Variants in LPP observed in about 807,000 individuals in gnomAD.
LPP encodes the protein LIM domain containing preferred translocation partner in lipoma.
Under a neutral mutation model 60.4 loss-of-function variants are expected in LPP, and 38 were observed. The observed-to-expected ratio is 0.63, with a 90% CI of 0.49 to 0.83. LPP has a LOEUF of 0.83. Among genes scored for constraint, LPP ranks in the 40% least tolerant of loss-of-function variants. The pLI is 0.00. For synonymous variants in LPP, 328 were observed against 290.8 expected (o/e 1.13, Z -1.30); for missense variants, 902 against 783.6 (o/e 1.15, Z -1.80).
At chr3:188,843,669 C>T (rs1199733838) in intron 9 of LPP, among the ~76,000 whole-genome samples, 1 of 144,724 alleles carries the variant, frequency 6.9e-6, no homozygotes, top group Admixed American at 6.7e-5. Context: ...CGCCTGTAGT[C>T]CCAGCTACTC....
At position 188,848,231 on chromosome 3, in the gene LPP, A is replaced by G. The variant is rs542807974; in HGVS notation, c.1411-17969A>G. Among the ~76,000 whole-genome samples the G allele has an allele frequency of 5.3e-5, 8 of 152,312 alleles. No individual in the cohort carries two copies. The South Asian group carries it at 6.2e-4, about 12-fold the overall frequency. On this transcript the variant is annotated intron_variant, in intron 9 of 11. Coordinates refer to ENST00000617246, the MANE Select transcript of LPP (RefSeq NM_001375462.1). ...GTGATACAGGCAGAATAAGCTCTGA[A>G]TTTGAGACTTGTGAAAACCATAAGA...
intron 5 of LPP, among the ~76,000 whole-genome samples, chr3:188,501,766 T>G (rs1056974599): frequency 1.5e-5 from 2 of 130,170 alleles, no homozygotes; most frequent in Non-Finnish European, 3.3e-5. Context: ...AAAAACAAAA[T>G]ATTAGCCGGG....
intron 1 of LPP, among the ~76,000 whole-genome samples, chr3:188,173,055 G>A (rs1196891177): frequency 2.0e-5 from 3 of 152,092 alleles, no homozygotes; most frequent in Non-Finnish European, 4.4e-5. Flanking sequence ...TTTTTGTAGC[G>A]ACAGGGTCTC....
Position 188,270,177 on chromosome 3 carries a change from A to G in LPP, c.-67+44650A>G, listed in dbSNP as rs150444398. ...TTTCAGAGTGACAAAAGTATTCTGC[A>G]TCTTTGATAGGAGCACGGATTACTT... On this transcript the variant is annotated intron_variant, in intron 2 of 11. Transcript: ENST00000617246. Among the ~76,000 whole-genome samples, 164 of 152,216 alleles carry G rather than the reference A, an allele frequency of 1.1e-3. 3 individuals are homozygous for G. Among genetic ancestry groups the G allele is most frequent in the Admixed American group, 7.3e-3 (112 of 15,294 alleles).
chr3:188,300,692 G>A (rs1009571200), intron 2 of LPP, among the ~76,000 whole-genome samples: 1 of 152,042 alleles, frequency 6.6e-6, no homozygotes, highest in Non-Finnish European at 1.5e-5. Context: ...AAAATAGATT[G>A]GTTGGTCTCC....
intron 3 of LPP, among the ~76,000 whole-genome samples, chr3:188,355,133 C>T (rs113384169): frequency 7.6e-4 from 115 of 152,148 alleles, no homozygotes; most frequent in Non-Finnish European, 1.3e-3. Context: ...CTCAGCCTCC[C>T]GAGTAGCTGG....
intron 7 of LPP, among the ~76,000 whole-genome samples, chr3:188,664,473 T>A (rs1855319448): frequency 6.6e-6 from 1 of 152,212 alleles, no homozygotes; most frequent in African/African-American, 2.4e-5. Context: ...GAAGTTCAAG[T>A]CCTGTGTATT....
At chr3:188,534,140 G>T (rs1822941382) in intron 6 of LPP, among the ~76,000 whole-genome samples, 1 of 152,206 alleles carries the variant, frequency 6.6e-6, no homozygotes, top group African/African-American at 2.4e-5. Context: ...GGATAGGGGA[G>T]GGCAGCTGAG....
intron 1 of LPP, among the ~76,000 whole-genome samples, chr3:188,163,364 C>T (rs377282947): frequency 1.3e-5 from 2 of 152,118 alleles, no homozygotes; most frequent in East Asian, 1.9e-4. Context: ...GACCTGCCTC[C>T]AGCATGCACC....
At chr3:188,411,683 A>G (rs1186806906) in intron 4 of LPP, among the ~76,000 whole-genome samples, 1 of 152,146 alleles carries the variant, frequency 6.6e-6, no homozygotes, top group East Asian at 1.9e-4. Context: ...GCTCCAAATC[A>G]AAAAATAAAA....
Position 188,859,362 on chromosome 3 carries a change from C to T in LPP, c.1411-6838C>T, listed in dbSNP as rs150578582. Among the ~76,000 whole-genome samples, 22 of 152,008 alleles carry T rather than the reference C, an allele frequency of 1.4e-4. No homozygotes were observed. The East Asian group carries it at 4.3e-3, about 29-fold the overall frequency. ...GAATAGATTCTTAAGAGTCATAGACCACCACCATACTGCCTGCTCTCTCAC... is the reference window on the plus strand; with the variant it reads ...GAATAGATTCTTAAGAGTCATAGACTACCACCATACTGCCTGCTCTCTCAC... On this transcript the variant is annotated intron_variant, in intron 9 of 11. Transcript: ENST00000617246.
chr3:188,290,465 T>C (rs1745570143), intron 2 of LPP, among the ~76,000 whole-genome samples: 1 of 152,058 alleles, frequency 6.6e-6, no homozygotes, highest in Admixed American at 6.6e-5. Context: ...TTAGAATGCG[T>C]AGAGCATGTA....
Position 188,866,253 on chromosome 3 carries a change from C to T in LPP, c.1464C>T (p.Leu488=), listed in dbSNP as rs1766569940. 15 of 1,584,340 alleles carry T rather than the reference C, an allele frequency of 9.5e-6. No individual in the cohort carries two copies. The highest frequency in any genetic ancestry group is 1.2e-5 in the South Asian group (1 of 86,824). ...CCAAGCCCATCATGGAGCGGATTCT[C>T]CGAGCCACCGGGAAGGCCTATCATC... ...VCSKPIMERI[L]RATGKAYHPH... Residue 488 remains leucine, a synonymous_variant, in exon 10 of 12, where the codon CTC becomes CTT. Coordinates refer to ENST00000617246, the MANE Select transcript of LPP (RefSeq NM_001375462.1).
chr3:188,790,386 A>G (rs1743306846), intron 9 of LPP, among the ~76,000 whole-genome samples: 1 of 151,996 alleles, frequency 6.6e-6, no homozygotes, highest in Non-Finnish European at 1.5e-5. Context: ...AGGCATGTAT[A>G]AGCAATCTGA....
intron 3 of LPP, among the ~76,000 whole-genome samples, chr3:188,382,746 G>T (rs537692544): frequency 2.6e-5 from 4 of 152,240 alleles, no homozygotes; most frequent in East Asian, 1.9e-4. Flanking sequence ...TGTTGTTGTT[G>T]TTCCTTTTGT....
chr3:188,281,275 G>T (rs546619466), intron 2 of LPP, among the ~76,000 whole-genome samples: 1 of 151,988 alleles, frequency 6.6e-6, no homozygotes, highest in South Asian at 2.1e-4. Flanking sequence ...TAGTGATGCG[G>T]GTTTAGAAAG....
In LPP at chr3:188,609,754, C is replaced by A. The variant is rs1262367437; in HGVS notation, c.1023C>A (p.Asn341Lys). Residue 341 changes from asparagine to lysine, a missense_variant, in exon 7 of 12, where the codon AAC becomes AAA. Coordinates refer to ENST00000617246, the MANE Select transcript of LPP (RefSeq NM_001375462.1). This position sits in a 1 kb window ranked among gnomAD's most constrained non-coding sequence, Gnocchi z 6.9. The part of the protein sequence containing the change: ...GYTPPGAGNQ[N>K]PPGMYPVTGP... ...CTCCTCCTGGAGCAGGGAACCAGAA[C>A]CCTCCTGGGATGTATCCAGTCACTG... 1 of 1,614,092 alleles carries A rather than the reference C, an allele frequency of 6.2e-7. No homozygotes were observed. The highest frequency in any genetic ancestry group is 8.5e-7 in the Non-Finnish European group (1 of 1,180,008).
At chr3:188,640,419 G>T (rs1291818258) in intron 7 of LPP, among the ~76,000 whole-genome samples, 1 of 148,372 alleles carries the variant, frequency 6.7e-6, no homozygotes, top group African/African-American at 2.5e-5. Flanking sequence ...CCTAATGCTA[G>T]ATGACGAGTT....
Position 188,658,137 on chromosome 3 carries a change from G to T in LPP, c.1113+48293G>T, listed in dbSNP as rs4591496. Among the ~76,000 whole-genome samples, 1,217 of 146,050 alleles carry T rather than the reference G, an allele frequency of 8.3e-3. 59 individuals carry two copies. Among genetic ancestry groups the T allele is most frequent in the African/African-American group, 0.026 (1,005 of 39,108 alleles). On this transcript the variant is annotated intron_variant, in intron 7 of 11. Transcript: ENST00000617246. ...TTCTGAAGTTATTAGTTTAGTTTAG[G>T]TTAGTTTAGTTTAGTTTAGTTTTAA...
Sources: gnomAD v4.1 joint callset for allele counts (sites outside exome capture counted in the v4.1 genomes callset) on GRCh38, gnomAD v4.1.1 for gene constraint, Gnocchi (gnomAD v3.1) non-coding constraint, MANE v1.5 for transcripts, NCBI Gene and HGNC (gene_info 2026-07-23, HGNC 2026-07-21) for gene names.